Variants in KAT7 observed in about 807,000 individuals in gnomAD.
KAT7 encodes lysine acetyltransferase 7, also known as histone acetyltransferase KAT7.
Under a neutral mutation model 82.1 loss-of-function variants are expected in KAT7, and 10 were observed. The ratio of observed to expected loss-of-function variants is 0.12; its 90% CI spans 0.08 to 0.21. The LOEUF (loss-of-function observed/expected upper bound fraction) is 0.21, where lower values mean the gene tolerates loss of function less well. Among genes scored for constraint, KAT7 ranks in the 10% least tolerant of loss-of-function variants. The probability of loss-of-function intolerance (pLI) is 1.00; values close to 1 mark genes in which losing one functional copy is unlikely to be tolerated. For missense variants in KAT7, 378 were observed against 760.9 expected (o/e 0.50, Z 5.92); for synonymous variants, 250 against 262.5 (o/e 0.95, Z 0.46).
At chr17:49,808,120 CTT>C (rs71146937) in intron 5 of KAT7, among the ~76,000 whole-genome samples, 195 of 112,758 alleles carry the variant, frequency 1.7e-3, no homozygotes, top group Non-Finnish European at 2.7e-3. Context: ...CCCAGGTTTT[CTT>C]TTTTTTTTTT....
rs1265655893 is a variant in KAT7 at position 49,788,985 on chromosome 17, T to A, written c.15+136T>A. 3.7e-5 allele frequency: 28 copies of A among 750,470 alleles called. No homozygotes were observed. The Admixed American group carries it at 1.1e-3, about 29-fold the overall frequency. 46.5% of individuals were successfully genotyped at this position (750,470 alleles called of 1,614,324 possible). On this transcript the variant is annotated intron_variant, in intron 1 of 14. Coordinates refer to ENST00000259021, the MANE Select transcript of KAT7 (RefSeq NM_007067.5). ...AACCTTGTTCAGCTACCCTCTCTTC[T>A]GTCCATACCCAACAGAAAAATGTGG...
rs1408910745 is a variant in KAT7, at chr17:49,788,735, T to A, written c.-100T>A. On this transcript the variant is annotated 5_prime_UTR_variant, in exon 1 of 15. Coordinates refer to ENST00000259021, the MANE Select transcript of KAT7 (RefSeq NM_007067.5). ...AGGCACTAGGGATCGTCCGCAGGAT[T>A]GGGACTGATACAGAGGCCGCCACGG... The A allele has an allele frequency of 8.0e-5, 107 of 1,337,682 alleles. 1 individual carries two copies. In the South Asian group the frequency reaches 1.3e-3, roughly 16 times the overall value. The allele number at this position is 1,337,682 out of a possible 1,614,324, so 82.9% of individuals were successfully genotyped here.
chr17:49,808,920 TCTGATC>T (rs1812176752), intron 5 of KAT7, among the ~76,000 whole-genome samples, 193 bp from the exon 6 acceptor site: 1 of 152,252 alleles, frequency 6.6e-6, no homozygotes, highest in Non-Finnish European at 1.5e-5. Context: ...TTTCAACTTC[TCTGATC>T]CTGTTATTGG....
intron 7 of KAT7, among the ~76,000 whole-genome samples, chr17:49,814,781 A>T (rs2074213306): frequency 6.6e-6 from 1 of 152,118 alleles, no homozygotes; most frequent in Admixed American, 6.5e-5. Context: ...ATCTTAGATG[A>T]TAGAGTCCAA....
intron 5 of KAT7, 101 bp downstream of exon 5, chr17:49,805,546 A>G (rs543221083): frequency 4.1e-6 from 3 of 729,016 alleles, no homozygotes; most frequent in Non-Finnish European, 7.0e-6. Context: ...CAAGATGGGT[A>G]GGGTCCTTGT....
At chr17:49,810,418 A>G (rs1042665662) in intron 6 of KAT7, among the ~76,000 whole-genome samples, 3 of 152,004 alleles carry the variant, frequency 2.0e-5, no homozygotes, top group Non-Finnish European at 4.4e-5. Context: ...CACCACGCCC[A>G]GCTAATTTTT....
chr17:49,801,577 C>T (rs1457041054), intron 4 of KAT7, among the ~76,000 whole-genome samples: 1 of 152,154 alleles, frequency 6.6e-6, no homozygotes, highest in African/African-American at 2.4e-5. Context: ...GCAACCTCCA[C>T]CTCCCAGGCT....
chr17:49,830,424 A>G lies in KAT7; in HGVS notation c.*2922A>G, dbSNP rs1459774868. 4 of 149,034 alleles carry G rather than the reference A, an allele frequency of 2.7e-5. No individual in the cohort carries two copies. The highest frequency in any genetic ancestry group is 5.9e-5 in the Non-Finnish European group (4 of 67,444). The allele number at this position is 149,034 out of a possible 1,614,324, so 9.2% of individuals were successfully genotyped here. A position where few individuals can be genotyped will look rare whatever the true frequency, so the allele number is the denominator to read the frequency against. On this transcript the variant is annotated 3_prime_UTR_variant, in exon 15 of 15. Coordinates refer to ENST00000259021, the MANE Select transcript of KAT7 (RefSeq NM_007067.5). ...GGCCAGTCTCAAACTCTTGACCTCA[A>G]GTGATCACCCGCCTCATCCTCCCAA...
chr17:49,798,223 A>G (rs1396064548), intron 3 of KAT7, 96 bp from the exon 4 acceptor site: 4 of 1,197,464 alleles, frequency 3.3e-6, no homozygotes, highest in African/African-American at 1.5e-5. Flanking sequence ...TGGTTAAATC[A>G]TAGAAAAAGA....
At chr17:49,818,889 C>A (rs932782800) in intron 9 of KAT7, among the ~76,000 whole-genome samples, 6 of 152,144 alleles carry the variant, frequency 3.9e-5, no homozygotes, top group African/African-American at 1.4e-4. Flanking sequence ...CAGTCGCACA[C>A]CACCACACCT....
chr17:49,830,752 G>A lies in KAT7; in HGVS notation c.*3250G>A, dbSNP rs553892088. On this transcript the variant is annotated 3_prime_UTR_variant, in exon 15 of 15. Coordinates refer to ENST00000259021, the MANE Select transcript of KAT7 (RefSeq NM_007067.5). ...CAGCAAAGCCAGAAACTTCAATTCT[G>A]GTCTGTCTACCTTGATAGCCTGCAC... The A allele has an allele frequency of 1.3e-5, 2 of 152,124 alleles. No individual in the cohort carries two copies. The highest frequency in any genetic ancestry group is 2.4e-5 in the African/African-American group (1 of 41,488). 9.4% of individuals were successfully genotyped at this position (152,124 alleles called of 1,614,324 possible). A position where few individuals can be genotyped will look rare whatever the true frequency, so the allele number is the denominator to read the frequency against.
chr17:49,804,486 G>T (rs1318842530), intron 4 of KAT7, among the ~76,000 whole-genome samples: 1 of 152,260 alleles, frequency 6.6e-6, no homozygotes, highest in Admixed American at 6.5e-5. Flanking sequence ...AAGGCCTTGT[G>T]TTACTGCCTG....
intron 5 of KAT7, among the ~76,000 whole-genome samples, chr17:49,807,609 C>T (rs1281141823): frequency 1.3e-5 from 2 of 152,112 alleles, no homozygotes; most frequent in Non-Finnish European, 2.9e-5. Flanking sequence ...TTCAGGCACG[C>T]TTTTGAAAAC....
At chr17:49,809,422 G>C (rs1280714460) in intron 6 of KAT7, among the ~76,000 whole-genome samples, 1 of 152,184 alleles carries the variant, frequency 6.6e-6, no homozygotes, top group African/African-American at 2.4e-5. Flanking sequence ...TACAGTAGTA[G>C]TAATAGTAGT....
rs1028526682 is a variant in KAT7, at chr17:49,825,439, G to C, written c.1481-561G>C. Among the ~76,000 whole-genome samples, 5 of 152,248 alleles carry C rather than the reference G, an allele frequency of 3.3e-5. No individual in the cohort carries two copies. In the South Asian group the frequency reaches 6.2e-4, roughly 19 times the overall value. On this transcript the variant is annotated intron_variant, in intron 12 of 14. Transcript: ENST00000259021. ...ATTCATTATCAAAATAATGGTGAAG[G>C]CTTCCAGAGTTCTTTTAGTGCCTAT...
chr17:49,794,201 G>C (rs1274554923), intron 2 of KAT7, among the ~76,000 whole-genome samples: 1 of 152,184 alleles, frequency 6.6e-6, no homozygotes, highest in East Asian at 1.9e-4. Flanking sequence ...ATTATGGCAA[G>C]GGCTGTGAGA....
In KAT7 at chr17:49,821,430, A is replaced by G; in HGVS notation, c.1245+4A>G. 1 of 1,611,934 alleles carries G rather than the reference A, an allele frequency of 6.2e-7. No homozygotes were observed. The highest frequency in any genetic ancestry group is 8.5e-7 in the Non-Finnish European group (1 of 1,178,658). The stretch of plus-strand genomic sequence containing the variant: ...AGTGGATGGCAAGAAAAACAAGGTA[A>G]AAAGTGGTGACTTTAGAAAGGAGTT... On this transcript the variant is annotated splice_donor_region_variant and intron_variant, in intron 10 of 14. Coordinates refer to ENST00000259021, the MANE Select transcript of KAT7 (RefSeq NM_007067.5).
chr17:49,795,973 C>T (rs1251019400), intron 2 of KAT7, among the ~76,000 whole-genome samples: 1 of 144,604 alleles, frequency 6.9e-6, no homozygotes, highest in African/African-American at 2.5e-5. Context: ...AAACATGTCT[C>T]TTTATAAAAA....
At chr17:49,813,671 A>G (rs1031276217) in intron 7 of KAT7, among the ~76,000 whole-genome samples, 1 of 152,158 alleles carries the variant, frequency 6.6e-6, no homozygotes, top group Non-Finnish European at 1.5e-5. Context: ...GTTAACAGCT[A>G]TTTACATGGC....
Sources: allele counts gnomAD v4.1 joint callset (sites outside exome capture counted in the v4.1 genomes callset), GRCh38; gene constraint gnomAD v4.1.1; transcripts MANE v1.5; gene names NCBI Gene and HGNC (gene_info 2026-07-23, HGNC 2026-07-21).